CNTN5: variants seen among roughly 807,000 people sequenced by gnomAD.
The protein encoded by CNTN5 is contactin 5.
A neutral mutation model predicts 129.1 loss-of-function variants in CNTN5; 77 were observed. The ratio of observed to expected loss-of-function variants is 0.60; its 90% CI spans 0.50 to 0.72. The LOEUF (loss-of-function observed/expected upper bound fraction) is 0.72. CNTN5 is among the 30% of genes least tolerant of loss of function. The pLI, the probability that CNTN5 is intolerant of heterozygous loss-of-function variation, is 0.00. For synonymous variants in CNTN5, 509 were observed against 465.6 expected, an observed-to-expected ratio of 1.09 and a Z score of -1.20; for missense variants, 1,478 against 1,328.8, an observed-to-expected ratio of 1.11 and a Z score of -1.75.
chr11:100,216,716 C>T (rs954478088), intron 15 of CNTN5, among the ~76,000 whole-genome samples: 5 of 152,068 alleles, frequency 3.3e-5, no homozygotes, highest in African/African-American at 1.2e-4. Context: ...TGAAAACAGT[C>T]ATAAAAGCAT....
chr11:99,580,346 A>C (rs1565316203), intron 3 of CNTN5, among the ~76,000 whole-genome samples: 1 of 152,168 alleles, frequency 6.6e-6, no homozygotes. Context: ...TGGCCTCATA[A>C]AATGAGTTAG....
intron 2 of CNTN5, among the ~76,000 whole-genome samples, chr11:99,431,340 A>T (rs1161511558): frequency 6.6e-6 from 1 of 152,140 alleles, no homozygotes. Context: ...AAGGAGGAAA[A>T]AGCTCATACT....
At chr11:99,756,870 T>C (rs938800719) in intron 3 of CNTN5, among the ~76,000 whole-genome samples, 4 of 151,014 alleles carry the variant, frequency 2.6e-5, no homozygotes, top group Non-Finnish European at 5.9e-5. Context: ...TAAAAAATTC[T>C]AAAACTTAAT....
intron 8 of CNTN5, among the ~76,000 whole-genome samples, chr11:99,994,584 G>T (rs1939327406): frequency 6.6e-6 from 1 of 151,982 alleles, no homozygotes; most frequent in Non-Finnish European, 1.5e-5. Context: ...GCATATAAGA[G>T]GCTTAGGTTT....
chr11:99,577,976 C>T (rs984946236), intron 3 of CNTN5, among the ~76,000 whole-genome samples: 4 of 129,674 alleles, frequency 3.1e-5, no homozygotes, highest in Non-Finnish European at 4.9e-5. Context: ...TATCCCTCCC[C>T]CCTCCCCCCA....
At position 99,845,259 on chromosome 11, in the gene CNTN5, G is replaced by A. The variant is rs749133921; in HGVS notation, c.574G>A (p.Ala192Thr). The A allele has an allele frequency of 6.2e-7, 1 of 1,603,652 alleles. No individual in the cohort carries two copies. The highest frequency in any genetic ancestry group is 2.2e-5 in the East Asian group (1 of 44,726). Residue 192 changes from alanine to threonine, a missense_variant, in exon 6 of 25, where the codon GCC becomes ACC. Transcript: ENST00000524871. ...ILSREATLQF[A>T]YLGNFSGRTR... is the part of the protein sequence containing the mutation. ...TAGTAGAGAAGCTACACTGCAGTTT[G>A]CCTGTGAGTAAAATATATGATTTTT...
chr11:100,040,925 C>T (rs150033730), intron 9 of CNTN5, among the ~76,000 whole-genome samples: 6,954 of 152,184 alleles, frequency 0.046, 518 homozygotes, highest in African/African-American at 0.16. Flanking sequence ...TTGTGCTTCC[C>T]GAGTGAGGTG....
At chr11:99,488,159 GTTTTT>G (rs10716491) in intron 2 of CNTN5, among the ~76,000 whole-genome samples, 1 of 113,808 alleles carries the variant, frequency 8.8e-6, no homozygotes, top group African/African-American at 3.3e-5. Flanking sequence ...TCTCCAAGAA[GTTTTT>G]TTTTTTTTTT....
chr11:99,662,934 C>A (rs1286761128), intron 3 of CNTN5, among the ~76,000 whole-genome samples: 2 of 152,120 alleles, frequency 1.3e-5, no homozygotes, highest in African/African-American at 4.8e-5. Context: ...ATGTTGTTTC[C>A]TGATTTTTGA....
chr11:99,634,635 C>G (rs1269646319), intron 3 of CNTN5, among the ~76,000 whole-genome samples: 1 of 152,154 alleles, frequency 6.6e-6, no homozygotes, highest in African/African-American at 2.4e-5. Flanking sequence ...TTAGTCTAAT[C>G]TATACACTAC....
chr11:99,991,658 C>A (rs190794357), intron 8 of CNTN5, among the ~76,000 whole-genome samples: 5 of 152,172 alleles, frequency 3.3e-5, no homozygotes, highest in African/African-American at 1.2e-4. Context: ...TCTGTATTGA[C>A]TTAATTCTGT....
chr11:99,249,587 C>T (rs772877417), intron 1 of CNTN5, among the ~76,000 whole-genome samples: 13 of 151,954 alleles, frequency 8.6e-5, no homozygotes, highest in African/African-American at 1.2e-4. Context: ...AACTATATAC[C>T]GGACATATTC....
At chr11:99,246,951 C>T (rs1861841746) in intron 1 of CNTN5, among the ~76,000 whole-genome samples, 1 of 152,120 alleles carries the variant, frequency 6.6e-6, no homozygotes, top group Non-Finnish European at 1.5e-5. Flanking sequence ...TGCAACCTAA[C>T]TTTGGCTGAA....
At chr11:99,946,315 C>T (rs1950552294) in intron 7 of CNTN5, among the ~76,000 whole-genome samples, 1 of 152,100 alleles carries the variant, frequency 6.6e-6, no homozygotes, top group South Asian at 2.1e-4. Flanking sequence ...GAAAATATCA[C>T]CGAGTCAATC....
At chr11:100,181,080 T>C (rs553156735) in intron 13 of CNTN5, among the ~76,000 whole-genome samples, 1 of 152,166 alleles carries the variant, frequency 6.6e-6, no homozygotes, top group African/African-American at 2.4e-5. Context: ...TTAAAACTTA[T>C]GTTCACATAA....
At chr11:100,255,372 AT>A (rs1323406719) in intron 16 of CNTN5, among the ~76,000 whole-genome samples, 7 of 75,112 alleles carry the variant, frequency 9.3e-5, no homozygotes, top group Middle Eastern at 8.2e-3. Flanking sequence ...TAAGGATGAG[AT>A]TTTTTTTTTG....
At chr11:100,118,512 A>C (rs959527138) in intron 13 of CNTN5, among the ~76,000 whole-genome samples, 2 of 151,954 alleles carry the variant, frequency 1.3e-5, no homozygotes, top group East Asian at 3.9e-4. Flanking sequence ...CAAACTATTC[A>C]ATAACAAGTA....
At chr11:99,739,733 A>C (rs1274475621) in intron 3 of CNTN5, among the ~76,000 whole-genome samples, 1 of 152,306 alleles carries the variant, frequency 6.6e-6, no homozygotes, top group South Asian at 2.1e-4. Flanking sequence ...TACATGACTT[A>C]TTCTTCGTTT....
intron 3 of CNTN5, among the ~76,000 whole-genome samples, chr11:99,609,605 T>G (rs1463290009): frequency 6.6e-6 from 1 of 152,142 alleles, no homozygotes; most frequent in Non-Finnish European, 1.5e-5. Flanking sequence ...ATGCCTATCC[T>G]GGTTCTGGCT....
Sources: gnomAD v4.1 joint callset for allele counts (sites outside exome capture counted in the v4.1 genomes callset) on GRCh38, gnomAD v4.1.1 for gene constraint, MANE v1.5 for transcripts, NCBI Gene and HGNC (gene_info 2026-07-23, HGNC 2026-07-21) for gene names.